CTNNA3: variants seen among roughly 807,000 people sequenced by gnomAD.
CTNNA3 encodes the protein catenin alpha 3.
In CTNNA3, 76 loss-of-function variants were observed where a neutral mutation model predicts 95.7. That is an observed-to-expected ratio of 0.79 (90% confidence interval 0.66 to 0.96). CTNNA3 has a LOEUF of 0.96. CTNNA3 is among the 40% of genes least tolerant of loss of function. The pLI is 0.00. For synonymous variants in CTNNA3, 431 were observed against 374.4 expected, an observed-to-expected ratio of 1.15 and a Z score of -1.74; for missense variants, 1,191 against 1,089.8, an observed-to-expected ratio of 1.09 and a Z score of -1.31.
At chr10:66,891,818 C>T (rs1845279604) in intron 7 of CTNNA3, among the ~76,000 whole-genome samples, 1 of 152,078 alleles carries the variant, frequency 6.6e-6, no homozygotes. Flanking sequence ...GTTACCATTC[C>T]TGTACCATTC....
At chr10:66,583,200 T>C (rs57152739) in intron 10 of CTNNA3, among the ~76,000 whole-genome samples, 25,760 of 151,810 alleles carry the variant, frequency 0.17, 2,382 homozygotes, top group East Asian at 0.24. Context: ...TTGGAATAGA[T>C]TCAATCGAAT....
chr10:66,351,525 T>C (rs1423510400), intron 12 of CTNNA3, among the ~76,000 whole-genome samples: 1 of 152,062 alleles, frequency 6.6e-6, no homozygotes, highest in African/African-American at 2.4e-5. Flanking sequence ...TTTAACAATA[T>C]GATTGCTTAA....
chr10:67,069,902 T>C (rs1350581574), intron 7 of CTNNA3, among the ~76,000 whole-genome samples: 1 of 152,200 alleles, frequency 6.6e-6, no homozygotes, highest in Non-Finnish European at 1.5e-5. Flanking sequence ...GGTTAACATG[T>C]GTACATATTT....
At chr10:66,284,951 A>G (rs574107135) in intron 12 of CTNNA3, among the ~76,000 whole-genome samples, 74 of 152,004 alleles carry the variant, frequency 4.9e-4, no homozygotes, top group African/African-American at 1.7e-3. Context: ...TATTCAATAA[A>G]TGCTAATTAT....
chr10:66,325,590 G>A (rs1049548317), intron 12 of CTNNA3, among the ~76,000 whole-genome samples: 9 of 152,006 alleles, frequency 5.9e-5, no homozygotes, highest in Non-Finnish European at 1.3e-4. Context: ...ACAATGAAGG[G>A]TTGTTCTGAG....
At chr10:66,200,591 T>C (rs1290939948) in intron 13 of CTNNA3, among the ~76,000 whole-genome samples, 2 of 152,210 alleles carry the variant, frequency 1.3e-5, no homozygotes, top group Non-Finnish European at 2.9e-5. Flanking sequence ...ATGACTGGAC[T>C]TCTCTTCAGA....
intron 5 of CTNNA3, among the ~76,000 whole-genome samples, chr10:67,430,910 C>T (rs555537457): frequency 7.3e-5 from 11 of 150,980 alleles, no homozygotes; most frequent in Admixed American, 2.0e-4. Context: ...AGAAAATCAC[C>T]TTTTGTCCCC....
At chr10:67,710,909 C>T (rs532323759) in intron 1 of CTNNA3, among the ~76,000 whole-genome samples, 84 of 152,316 alleles carry the variant, frequency 5.5e-4, no homozygotes, top group African/African-American at 2.0e-3. Context: ...CAAATCTCAT[C>T]TTGAATTCCC....
At chr10:66,792,346 T>G (rs749782721) in intron 7 of CTNNA3, among the ~76,000 whole-genome samples, 5 of 152,178 alleles carry the variant, frequency 3.3e-5, no homozygotes, top group Non-Finnish European at 7.3e-5. Flanking sequence ...AAGCATATTT[T>G]TTAAGTGTCC....
intron 10 of CTNNA3, among the ~76,000 whole-genome samples, chr10:66,594,722 C>T (rs1001679031): frequency 2.0e-5 from 3 of 152,006 alleles, no homozygotes; most frequent in Non-Finnish European, 4.4e-5. Context: ...ATCTGATTTT[C>T]CTGATATGGT....
chr10:66,037,906 A>G (rs2079600470), intron 15 of CTNNA3, among the ~76,000 whole-genome samples: 1 of 152,088 alleles, frequency 6.6e-6, no homozygotes, highest in African/African-American at 2.4e-5. Flanking sequence ...TTGTGTATCA[A>G]TTTATTAGAA....
At chr10:66,092,321 A>G (rs1029587787) in intron 14 of CTNNA3, among the ~76,000 whole-genome samples, 50 of 152,092 alleles carry the variant, frequency 3.3e-4, no homozygotes, top group African/African-American at 1.2e-3. Context: ...GCATTCAGAA[A>G]GACTCCTTTA....
In CTNNA3 at chr10:66,775,462, T is replaced by G; in HGVS notation, c.1110A>C (p.Thr370=). 6.2e-7 allele frequency: 1 copy of G among 1,611,188 alleles called. No individual in the cohort carries two copies. The highest frequency in any genetic ancestry group is 1.1e-5 in the South Asian group (1 of 90,520). The part of the protein sequence containing the change: ...NIALDNMCKK[T]RDLRRQLRKA... ...CCCTCACCTGTCTGCGAAGGTCTCTTGTCTTCTTACACATGTTGTCTAAAG... is the reference window on the plus strand; with the variant it reads ...CCCTCACCTGTCTGCGAAGGTCTCTGGTCTTCTTACACATGTTGTCTAAAG... The change falls in exon 8 of 18, where the codon ACA becomes ACC. Residue 370 remains threonine, a synonymous_variant. Coordinates refer to ENST00000433211, the MANE Select transcript of CTNNA3 (RefSeq NM_013266.4).
rs370442154 is a variant in CTNNA3, at chr10:66,215,403, A to T, written c.1884+65067T>A. Among the ~76,000 whole-genome samples the T allele has an allele frequency of 2.8e-4, 43 of 152,306 alleles. No homozygotes were observed. The South Asian group carries it at 8.3e-3, about 29-fold the overall frequency. On this transcript the variant is annotated intron_variant, in intron 13 of 17. Transcript: ENST00000433211. ...TATTATAATTCCCAATTTACATATG[A>T]TGAAACTGATGATTTAAGAGCAAGT...
intron 7 of CTNNA3, among the ~76,000 whole-genome samples, chr10:66,793,658 G>C (rs1281031627): frequency 6.6e-6 from 1 of 152,020 alleles, no homozygotes; most frequent in Non-Finnish European, 1.5e-5. Context: ...GTTTTCATAA[G>C]TGGTGGAGTT....
chr10:67,280,061 T>C (rs1839337118), intron 5 of CTNNA3, among the ~76,000 whole-genome samples: 1 of 150,500 alleles, frequency 6.6e-6, no homozygotes. Context: ...CCCCAAAGTA[T>C]GGTGCTTTGG....
At chr10:67,015,131 T>A (rs750301435) in intron 7 of CTNNA3, 2 of 152,170 alleles carry the variant, frequency 1.3e-5, no homozygotes, top group East Asian at 3.8e-4. Flanking sequence ...CCATGCTATG[T>A]AGTTAGGGAA....
At chr10:66,142,884 G>A (rs1183148873) in intron 13 of CTNNA3, among the ~76,000 whole-genome samples, 1 of 152,056 alleles carries the variant, frequency 6.6e-6, no homozygotes, top group Non-Finnish European at 1.5e-5. Flanking sequence ...AAAGTCAGTT[G>A]CAGAGGAAGA....
chr10:65,972,691 T>C (rs1389059753), intron 16 of CTNNA3, among the ~76,000 whole-genome samples: 1 of 152,030 alleles, frequency 6.6e-6, no homozygotes, highest in Non-Finnish European at 1.5e-5. Context: ...AAAGAAATCA[T>C]AGATGACACA....
Sources: allele counts gnomAD v4.1 joint callset (sites outside exome capture counted in the v4.1 genomes callset), GRCh38; gene constraint gnomAD v4.1.1; transcripts MANE v1.5; gene names NCBI Gene and HGNC (gene_info 2026-07-23, HGNC 2026-07-21).